PLEKHH2: variants seen among roughly 807,000 people sequenced by gnomAD.
The protein encoded by PLEKHH2 is pleckstrin homology, MyTH4 and FERM domain containing H2, also known as pleckstrin homology domain-containing family H member 2.
In PLEKHH2, 129 loss-of-function variants were observed where a neutral mutation model predicts 187.9. The observed-to-expected ratio is 0.69, with a 90% CI of 0.59 to 0.79. PLEKHH2 has a LOEUF of 0.79. Among genes scored for constraint, PLEKHH2 ranks in the 30% least tolerant of loss-of-function variants. The probability of loss-of-function intolerance (pLI) is 0.00; values close to 1 mark genes in which losing one functional copy is unlikely to be tolerated. For missense variants in PLEKHH2, 2,076 were observed against 1,751.2 expected (o/e 1.19, Z -3.31); for synonymous variants, 686 against 605.6 (o/e 1.13, Z -1.95).
At chr2:43,670,108 A>G (rs1667423004) in intron 2 of PLEKHH2, among the ~76,000 whole-genome samples, 1 of 149,302 alleles carries the variant, frequency 6.7e-6, no homozygotes, top group Non-Finnish European at 1.5e-5. Context: ...TGGATGTTAA[A>G]GAAAAAGAAA....
chr2:43,748,119 C>T (rs1432076389), intron 24 of PLEKHH2, among the ~76,000 whole-genome samples: 2 of 152,156 alleles, frequency 1.3e-5, no homozygotes, highest in Non-Finnish European at 2.9e-5. Context: ...CTTAAAGGGC[C>T]ACCCAGTATT....
At chr2:43,651,539 A>G (rs745906774) in intron 2 of PLEKHH2, among the ~76,000 whole-genome samples, 2 of 152,200 alleles carry the variant, frequency 1.3e-5, no homozygotes, top group African/African-American at 2.4e-5. Context: ...AGAAATCAAG[A>G]CAAATGCTTT....
intron 13 of PLEKHH2, 72 bp from the exon 14 acceptor site, chr2:43,710,417 A>G (rs1572599873): frequency 1.3e-6 from 2 of 1,585,098 alleles, no homozygotes; most frequent in East Asian, 4.5e-5. Flanking sequence ...TAATGCAAGT[A>G]ATGATACAAA....
Position 43,671,714 on chromosome 2 carries a change from A to G in PLEKHH2, c.124-7149A>G, listed in dbSNP as rs75889639. On this transcript the variant is annotated intron_variant, in intron 2 of 29. Transcript: ENST00000282406. ...TGATTTTTCTTCATCTATCGAAATGATATTTCTTTTCTAGCCACTTGACAT... is the reference window on the plus strand; with the variant it reads ...TGATTTTTCTTCATCTATCGAAATGGTATTTCTTTTCTAGCCACTTGACAT... Among the ~76,000 whole-genome samples the G allele has an allele frequency of 6.5e-3, 993 of 152,302 alleles. 13 individuals are homozygous for G. Among genetic ancestry groups the G allele is most frequent in the African/African-American group, 0.023 (956 of 41,572 alleles).
intron 15 of PLEKHH2, 125 bp downstream of exon 15, chr2:43,712,508 G>T (rs186103457): frequency 1.7e-6 from 2 of 1,172,600 alleles, no homozygotes; most frequent in South Asian, 1.8e-5. Flanking sequence ...GATAGGAAAG[G>T]GTGTTTTTAA....
At chr2:43,719,172 C>T (rs1163320828) in intron 15 of PLEKHH2, among the ~76,000 whole-genome samples, 2 of 152,118 alleles carry the variant, frequency 1.3e-5, no homozygotes, top group Non-Finnish European at 2.9e-5. Context: ...GCTGTGAGTT[C>T]CCGAGAAAGA....
intron 2 of PLEKHH2, among the ~76,000 whole-genome samples, chr2:43,648,262 C>G (rs1666281179): frequency 6.6e-6 from 1 of 152,038 alleles, no homozygotes; most frequent in Non-Finnish European, 1.5e-5. Context: ...CATCTCAGCT[C>G]ACTGCAACCT....
chr2:43,707,305 T>G, intron 10 of PLEKHH2, 96 bp from the exon 11 acceptor site: 1 of 1,450,078 alleles, frequency 6.9e-7, no homozygotes, highest in South Asian at 1.3e-5. Context: ...TTGCTCTGCT[T>G]TTCTTTAGGA....
intron 2 of PLEKHH2, among the ~76,000 whole-genome samples, chr2:43,655,100 G>A (rs1666685882): frequency 6.6e-6 from 1 of 152,076 alleles, no homozygotes; most frequent in Non-Finnish European, 1.5e-5. Flanking sequence ...CAGCTACTCA[G>A]GAGGCTGAGG....
chr2:43,757,523 A>G (rs957389850), intron 26 of PLEKHH2, among the ~76,000 whole-genome samples: 12 of 149,156 alleles, frequency 8.0e-5, no homozygotes, highest in Admixed American at 4.7e-4. Context: ...GGGTACAGCC[A>G]TTCTCATGCC....
At chr2:43,746,509 C>A (rs771397296) in intron 24 of PLEKHH2, among the ~76,000 whole-genome samples, 5 of 148,252 alleles carry the variant, frequency 3.4e-5, no homozygotes, top group Non-Finnish European at 7.4e-5. Context: ...CAGAGTGAAA[C>A]CCTGTCTCAA....
intron 3 of PLEKHH2, among the ~76,000 whole-genome samples, chr2:43,690,263 C>T (rs1668728433): frequency 6.6e-6 from 1 of 152,186 alleles, no homozygotes; most frequent in Non-Finnish European, 1.5e-5. Flanking sequence ...TCAGCTCATG[C>T]AGAAAGCCCA....
chr2:43,681,136 C>G, intron 3 of PLEKHH2: 1 of 791,756 alleles, frequency 1.3e-6, no homozygotes, highest in Non-Finnish European at 2.1e-6. Flanking sequence ...GTCAAGGAGC[C>G]TCCTGCAACA....
At chr2:43,651,164 CATTCATTT>C (rs979254444) in intron 2 of PLEKHH2, among the ~76,000 whole-genome samples, 22 of 116,158 alleles carry the variant, frequency 1.9e-4, no homozygotes, top group Non-Finnish European at 3.7e-4. Context: ...TTCATTCATT[CATTCATTT>C]ATTCATTTTG....
intron 3 of PLEKHH2, among the ~76,000 whole-genome samples, chr2:43,684,542 C>A (rs62136373): frequency 4.6e-5 from 7 of 151,894 alleles, no homozygotes; most frequent in South Asian, 4.2e-4. Flanking sequence ...CGCCCCCCAC[C>A]GACCCCTGCC....
intron 15 of PLEKHH2, among the ~76,000 whole-genome samples, chr2:43,717,032 G>C (rs945925016): frequency 6.6e-6 from 1 of 152,340 alleles, no homozygotes; most frequent in African/African-American, 2.4e-5. Flanking sequence ...GGAAACCCAA[G>C]TTGGCAGAGA....
At chr2:43,724,931 G>C (rs1021651512) in intron 16 of PLEKHH2, among the ~76,000 whole-genome samples, 2 of 152,198 alleles carry the variant, frequency 1.3e-5, no homozygotes, top group East Asian at 3.8e-4. Flanking sequence ...AGGACAAGGA[G>C]ATCTGGGTCA....
Position 43,712,379 on chromosome 2 carries a change from C to G in PLEKHH2, c.2456C>G (p.Thr819Ser), listed in dbSNP as rs367740080. 18 of 1,613,966 alleles carry G rather than the reference C, an allele frequency of 1.1e-5. No individual in the cohort carries two copies. In the African/African-American group the frequency reaches 1.9e-4, roughly 17 times the overall value. Residue 819 changes from threonine (T) to serine (S), a missense_variant, in exon 15 of 30, where the codon ACT (threonine) becomes AGT (serine). Transcript: ENST00000282406. Reference protein sequence around the residue: ...EGKPTMKGLLTKVKHGYSKRV... With the variant: ...EGKPTMKGLLSKVKHGYSKRV... ...AAACCCACCATGAAGGGATTGCTCA[C>G]TAAGGTAGGAACCTCCTGTGCATAG... is the stretch of plus-strand genomic sequence containing the variant.
chr2:43,700,514 C>G lies in PLEKHH2; in HGVS notation c.1556C>G (p.Ser519Cys), dbSNP rs749271100. ...DGLFSYDSLDSPNSDDQEHCD... is the reference protein window; with the variant it reads ...DGLFSYDSLDCPNSDDQEHCD... Reference sequence around the variant, plus strand: ...TTATTTTCCTATGACTCCTTGGACTCTCCAAATTCAGATGACCAGGAACAC... The same window carrying G: ...TTATTTTCCTATGACTCCTTGGACTGTCCAAATTCAGATGACCAGGAACAC... The change falls in exon 8 of 30, where the codon TCT (serine) becomes TGT (cysteine). Residue 519 changes from serine (S) to cysteine (C), a missense_variant. Physicochemically the swap from Ser to Cys is moderately radical, Grantham distance 112 (BLOSUM62 -1). Transcript: ENST00000282406. The G allele has an allele frequency of 6.2e-7, 1 of 1,614,030 alleles. No individual in the cohort carries two copies. The highest frequency in any genetic ancestry group is 8.5e-7 in the Non-Finnish European group (1 of 1,180,012).
Sources: allele counts gnomAD v4.1 joint callset (sites outside exome capture counted in the v4.1 genomes callset), GRCh38; gene constraint gnomAD v4.1.1; transcripts MANE v1.5; gene names NCBI Gene and HGNC (gene_info 2026-07-23, HGNC 2026-07-21).